FRMPD4: variants seen among roughly 807,000 people sequenced by gnomAD.
The protein encoded by FRMPD4 is FERM and PDZ domain containing 4, also known as FERM and PDZ domain-containing protein 4.
In FRMPD4, 22 loss-of-function variants were observed where a neutral mutation model predicts 94.1. That is an observed-to-expected ratio of 0.23 (90% CI 0.17 to 0.33). The LOEUF is 0.33. Among genes scored for constraint, FRMPD4 ranks in the 10% least tolerant of loss-of-function variants. The probability of loss-of-function intolerance (pLI) is 1.00; values close to 1 mark genes in which losing one functional copy is unlikely to be tolerated. For synonymous variants in FRMPD4, 631 were observed against 548.6 expected (o/e 1.15, Z -2.10); for missense variants, 1,111 against 1,339.9 (o/e 0.83, Z 2.67).
rs1039675479 is a variant in FRMPD4 at position 12,716,065 on chromosome X, T to G, written c.1610-4T>G. 1 of 1,105,911 alleles carries G rather than the reference T, an allele frequency of 9.0e-7. No individual in the cohort carries two copies. The highest frequency in any genetic ancestry group is 2.1e-5 in the South Asian group (1 of 48,659). 91.1% of individuals were successfully genotyped at this position (1,105,911 alleles called of 1,213,427 possible). A position where few individuals can be genotyped will look rare whatever the true frequency, so the allele number is the denominator to read the frequency against. ...TGTGTCTTTGCGTGATTCTTTCTCTTTAGGACCTGAAAACAAGGGGAAGCA... is the reference window on the plus strand; with the variant it reads ...TGTGTCTTTGCGTGATTCTTTCTCTGTAGGACCTGAAAACAAGGGGAAGCA... On this transcript the variant is annotated splice_polypyrimidine_tract_variant and splice_region_variant and intron_variant, in intron 14 of 16. Coordinates refer to ENST00000675598, the MANE Select transcript of FRMPD4 (RefSeq NM_001368397.1).
At chrX:12,166,323 T>C (rs1229753174) in intron 1 of FRMPD4, among the ~76,000 whole-genome samples, 1 of 111,993 alleles carries the variant, frequency 8.9e-6, no homozygotes, top group East Asian at 2.8e-4. Context: ...TGGTTTTTGT[T>C]TTTGGTTCTG....
rs191555890 is a variant in FRMPD4, at chrX:11,988,269, C to A, written c.95+110251C>A. Among the ~76,000 whole-genome samples the A allele has an allele frequency of 3.6e-5, 4 of 111,246 alleles. No individual in the cohort carries two copies. The Admixed American group carries it at 3.8e-4, about 11-fold the overall frequency. On this transcript the variant is annotated intron_variant, in intron 3 of 18. Transcript: ENST00000640291. The stretch of plus-strand genomic sequence containing the variant: ...AGAGCAATGGAACAGAAGAGAGAAC[C>A]CAGAAATAAATCCATGTACCTACAG...
At chrX:12,056,118 A>T (rs746808771) in intron 3 of FRMPD4, among the ~76,000 whole-genome samples, 7 of 112,207 alleles carry the variant, frequency 6.2e-5, no homozygotes, top group African/African-American at 2.3e-4. Context: ...CATAATATTT[A>T]AAAAATAAAA....
intron 3 of FRMPD4, among the ~76,000 whole-genome samples, chrX:11,989,100 A>T (rs1442727834): frequency 4.5e-5 from 5 of 111,900 alleles, no homozygotes; most frequent in Non-Finnish European, 3.8e-5. Context: ...CAATCCCACT[A>T]CTGGGTATAT....
chrX:12,403,102 GA>G (rs201854751), intron 1 of FRMPD4, among the ~76,000 whole-genome samples: 18,397 of 110,860 alleles, frequency 0.17, 1,600 homozygotes, highest in Non-Finnish European at 0.26. Context: ...GCACCAGCCA[GA>G]AAGGTCTTTT....
intron 4 of FRMPD4, among the ~76,000 whole-genome samples, chrX:12,615,877 A>C (rs777720229): frequency 1.6e-4 from 18 of 111,040 alleles, no homozygotes; most frequent in Admixed American, 1.4e-3. Context: ...AAAGGCACTA[A>C]GTGGAGTATT....
At chrX:12,478,722 C>T (rs1300613362) in intron 1 of FRMPD4, among the ~76,000 whole-genome samples, 1 of 112,440 alleles carries the variant, frequency 8.9e-6, no homozygotes, top group East Asian at 2.8e-4. Flanking sequence ...AGTTGAAATG[C>T]TGGCTACATT....
At chrX:12,119,522 A>G (rs997501529) in intron 3 of FRMPD4, among the ~76,000 whole-genome samples, 3 of 112,253 alleles carry the variant, frequency 2.7e-5, no homozygotes, top group African/African-American at 6.5e-5. Flanking sequence ...TGCAAATTTT[A>G]AAAAGCATAT....
At chrX:11,863,832 T>C (rs183124855) in intron 1 of FRMPD4, among the ~76,000 whole-genome samples, 12 of 112,342 alleles carry the variant, frequency 1.1e-4, no homozygotes, top group Non-Finnish European at 1.9e-4. Flanking sequence ...ATCTGGAATT[T>C]TGGCATGGCC....
intron 3 of FRMPD4, among the ~76,000 whole-genome samples, chrX:11,968,124 A>G (rs1305665663): frequency 9.0e-6 from 1 of 110,715 alleles, no homozygotes; most frequent in Non-Finnish European, 1.9e-5. Context: ...GGAGGGGAAA[A>G]TGAGGTCAAA....
At chrX:12,112,130 C>A (rs11184488) in intron 3 of FRMPD4, among the ~76,000 whole-genome samples, 1 of 111,682 alleles carries the variant, frequency 9.0e-6, no homozygotes, top group Non-Finnish European at 1.9e-5. Context: ...ATGTTTATTG[C>A]GGCACTATTC....
chrX:11,860,018 G>T (rs2053676750), intron 1 of FRMPD4, among the ~76,000 whole-genome samples: 1 of 111,608 alleles, frequency 9.0e-6, no homozygotes, highest in Admixed American at 9.6e-5. Context: ...TTTAATTTTT[G>T]CCTTGCATGT....
chrX:12,604,958 G>A (rs1272179459), intron 2 of FRMPD4, among the ~76,000 whole-genome samples: 1 of 112,207 alleles, frequency 8.9e-6, no homozygotes, highest in Non-Finnish European at 1.9e-5. Flanking sequence ...ATTTTGCTGA[G>A]TGCTTTATGT....
At chrX:12,158,379 T>TAAACC (rs2055969780) in intron 1 of FRMPD4, among the ~76,000 whole-genome samples, 1 of 112,035 alleles carries the variant, frequency 8.9e-6, no homozygotes, top group East Asian at 2.8e-4. Context: ...CTTCTGTCCT[T>TAAACC]ACACCAGTAA....
intron 11 of FRMPD4, among the ~76,000 whole-genome samples, chrX:12,705,496 T>C (rs4830797): frequency 0.53 from 57,515 of 109,127 alleles, 12,056 homozygotes; most frequent in East Asian, 0.83. Flanking sequence ...CTGGGTAAGG[T>C]ACATTTATTT....
chrX:12,180,756 G>A (rs2056349157), intron 1 of FRMPD4, among the ~76,000 whole-genome samples: 1 of 112,479 alleles, frequency 8.9e-6, no homozygotes, highest in Non-Finnish European at 1.9e-5. Flanking sequence ...ACCTGACATT[G>A]TAGCATGAAA....
chrX:11,955,343 C>T (rs147780225), intron 3 of FRMPD4, among the ~76,000 whole-genome samples: 2,371 of 110,631 alleles, frequency 0.021, 60 homozygotes, highest in African/African-American at 0.075. Context: ...ATCAGCCAGG[C>T]TTGCTGGGCA....
At chrX:11,935,246 G>GTTT (rs1217279102) in intron 3 of FRMPD4, among the ~76,000 whole-genome samples, 1 of 6,156 alleles carries the variant, frequency 1.6e-4, no homozygotes, top group African/African-American at 7.2e-4. Context: ...GCTTTGTTTT[G>GTTT]TTGTTTTTTT....
At chrX:12,489,608 T>C (rs2057772878) in intron 1 of FRMPD4, among the ~76,000 whole-genome samples, 1 of 112,575 alleles carries the variant, frequency 8.9e-6, no homozygotes, top group Non-Finnish European at 1.9e-5. Context: ...TCATTAACTC[T>C]GTAATCACTG....
Sources: allele counts gnomAD v4.1 joint callset (sites outside exome capture counted in the v4.1 genomes callset), GRCh38; gene constraint gnomAD v4.1.1; transcripts MANE v1.5; gene names NCBI Gene and HGNC (gene_info 2026-07-23, HGNC 2026-07-21).